Variants in PUDP observed in about 807,000 individuals in gnomAD.
The protein encoded by PUDP is pseudouridine-5'-phosphatase.
A neutral mutation model predicts 9.4 loss-of-function variants in PUDP; 8 were observed. That is an observed-to-expected ratio of 0.85 (90% CI 0.50 to 1.53). The LOEUF (loss-of-function observed/expected upper bound fraction) is 1.53, where lower values mean the gene tolerates loss of function less well. Ranked by LOEUF, PUDP falls within the 40% of genes most tolerant of loss-of-function variation. The pLI is 0.00. For synonymous variants in PUDP, 99 were observed against 80.7 expected (o/e 1.23, Z -1.22); for missense variants, 188 against 189.7 (o/e 0.99, Z 0.05).
At chrX:7,045,240 T>C (rs774509831), downstream of PUDP, among the ~76,000 whole-genome samples, 10 of 112,804 alleles carry the variant, frequency 8.9e-5, no homozygotes, top group Non-Finnish European at 1.7e-4. Flanking sequence ...ATTGTAAGTT[T>C]CCTGTGGCCT....
At chrX:7,042,962 A>G (rs1466321035) in intron 1 of PUDP, among the ~76,000 whole-genome samples, 1 of 111,709 alleles carries the variant, frequency 9.0e-6, no homozygotes, top group Non-Finnish European at 1.9e-5. Context: ...GGCTATGTCT[A>G]TCTCCTTGAC....
At chrX:6,973,352 T>C (rs1928906601) in intron 3 of PUDP, among the ~76,000 whole-genome samples, 1 of 112,301 alleles carries the variant, frequency 8.9e-6, no homozygotes, top group South Asian at 3.7e-4. Context: ...TTTAGTGCTA[T>C]AAATTTCCCT....
At position 6,794,365 on chromosome X, in the gene PUDP, A is replaced by T. The variant is rs931019794; in HGVS notation, c.*248-87899T>A. Among the ~76,000 whole-genome samples, 5 of 111,733 alleles carry T rather than the reference A, an allele frequency of 4.5e-5. No individual in the cohort carries two copies. The East Asian group carries it at 1.4e-3, about 31-fold the overall frequency. On this transcript the variant is annotated intron_variant and NMD_transcript_variant, in intron 3 of 3. Coordinates refer to the PUDP transcript ENST00000655425. ...TAAACATAGAAAAGGTACAGTAAACATATGGTAAGAAAGATAAAAACGGTT... is the reference window on the plus strand; with the variant it reads ...TAAACATAGAAAAGGTACAGTAAACTTATGGTAAGAAAGATAAAAACGGTT...
intron 3 of PUDP, among the ~76,000 whole-genome samples, chrX:6,950,216 T>C (rs1386077218): frequency 9.7e-6 from 1 of 103,196 alleles, no homozygotes; most frequent in Non-Finnish European, 2.0e-5. Flanking sequence ...TGCATGCCTG[T>C]AGTTCCAGCT....
At chrX:6,713,104 C>A (rs1162885141) in intron 1 of PUDP, among the ~76,000 whole-genome samples, 1 of 111,999 alleles carries the variant, frequency 8.9e-6, no homozygotes, top group African/African-American at 3.2e-5. Flanking sequence ...AAAACAATTC[C>A]TGGCTCCTCC....
intron 3 of PUDP, among the ~76,000 whole-genome samples, chrX:6,815,806 T>G (rs982929489): frequency 3.6e-5 from 4 of 110,057 alleles, no homozygotes; most frequent in African/African-American, 1.3e-4. Context: ...CATTGAAATA[T>G]ACTTACTGTT....
chrX:7,054,691 T>C lies in PUDP; in HGVS notation c.511-4219A>G, dbSNP rs184231635. The stretch of plus-strand genomic sequence containing the variant: ...TGGGATACATGACACCCCTGGCACC[T>C]GAAACCCTCTTCTTCCTCCTCTCAT... On this transcript the variant is annotated intron_variant, in intron 3 of 3. Coordinates refer to ENST00000381077, the MANE Select transcript of PUDP (RefSeq NM_012080.5). Among the ~76,000 whole-genome samples the C allele has an allele frequency of 2.2e-3, 243 of 112,029 alleles. 2 individuals carry two copies. The highest frequency in any genetic ancestry group is 7.4e-3 in the African/African-American group (227 of 30,838).
intron 3 of PUDP, among the ~76,000 whole-genome samples, chrX:6,928,469 G>T (rs931629009): frequency 1.8e-5 from 2 of 111,473 alleles, no homozygotes; most frequent in African/African-American, 6.5e-5. Context: ...AATAGCTTGT[G>T]AAATCTCCTT....
At chrX:6,853,758 A>G (rs1199859102) in intron 3 of PUDP, among the ~76,000 whole-genome samples, 2 of 111,142 alleles carry the variant, frequency 1.8e-5, no homozygotes, top group Non-Finnish European at 3.8e-5. Context: ...TCTTTTACAG[A>G]GCATGTTTTT....
At chrX:7,015,768 A>T (rs1394176281) in intron 1 of PUDP, among the ~76,000 whole-genome samples, 1 of 109,809 alleles carries the variant, frequency 9.1e-6, no homozygotes, top group Non-Finnish European at 1.9e-5. Context: ...GCAGAGATGG[A>T]GTCTTGCAAT....
At chrX:6,814,854 G>C (rs185679985) in intron 3 of PUDP, among the ~76,000 whole-genome samples, 1 of 111,424 alleles carries the variant, frequency 9.0e-6, no homozygotes, top group Non-Finnish European at 1.9e-5. Flanking sequence ...TGCTCCACTA[G>C]AGCTTAATGG....
chrX:6,942,125 G>C (rs185569203), intron 3 of PUDP, among the ~76,000 whole-genome samples: 120 of 111,333 alleles, frequency 1.1e-3, no homozygotes, highest in African/African-American at 3.7e-3. Flanking sequence ...TCTGGCAATA[G>C]ATACACTAAA....
chrX:6,791,837 T>C (rs1025601824), intron 3 of PUDP, among the ~76,000 whole-genome samples: 2 of 112,420 alleles, frequency 1.8e-5, no homozygotes, highest in Non-Finnish European at 3.7e-5. Context: ...CTAACACATT[T>C]AGTGAAACGC....
At chrX:6,806,861 T>G (rs923920823) in intron 3 of PUDP, among the ~76,000 whole-genome samples, 1 of 112,383 alleles carries the variant, frequency 8.9e-6, no homozygotes, top group Non-Finnish European at 1.9e-5. Flanking sequence ...AAAATAGCTG[T>G]GCTAGTGAGG....
At chrX:6,789,618 T>G (rs1379451678) in intron 3 of PUDP, among the ~76,000 whole-genome samples, 1 of 111,237 alleles carries the variant, frequency 9.0e-6, no homozygotes, top group African/African-American at 3.3e-5. Flanking sequence ...GCTGGAGCGC[T>G]GATGGTTAGC....
At chrX:6,914,379 T>C (rs1217310603) in intron 3 of PUDP, among the ~76,000 whole-genome samples, 1 of 111,275 alleles carries the variant, frequency 9.0e-6, no homozygotes, top group Non-Finnish European at 1.9e-5. Flanking sequence ...ACCTAGACCC[T>C]TTGACAAGGA....
At chrX:6,842,686 C>T (rs911090073) in intron 3 of PUDP, among the ~76,000 whole-genome samples, 7 of 111,876 alleles carry the variant, frequency 6.3e-5, no homozygotes, top group African/African-American at 2.3e-4. Context: ...AAAATATATC[C>T]ACCAAGATAT....
intron 3 of PUDP, among the ~76,000 whole-genome samples, chrX:6,804,994 C>T (rs922547257): frequency 1.8e-5 from 2 of 111,747 alleles, no homozygotes; most frequent in Admixed American, 9.5e-5. Context: ...AGGCTGGGCA[C>T]GGGGGCTCAT....
chrX:6,919,919 T>C (rs1602673283), intron 3 of PUDP, among the ~76,000 whole-genome samples: 1 of 76,943 alleles, frequency 1.3e-5, no homozygotes, highest in African/African-American at 5.0e-5. Flanking sequence ...AACCAATGGA[T>C]CGTGCTTGCA....
Sources: allele counts gnomAD v4.1 joint callset (sites outside exome capture counted in the v4.1 genomes callset), GRCh38; gene constraint gnomAD v4.1.1; transcripts MANE v1.5; gene names NCBI Gene and HGNC (gene_info 2026-07-23, HGNC 2026-07-21).